The following DKK4 variants were observed in gnomAD, a reference collection of about 807,000 sequenced individuals.
DKK4 encodes the protein dickkopf Wnt signaling pathway inhibitor 4, also known as dickkopf-related protein 4.
DKK4 carries 15 observed loss-of-function variants against 14.5 expected under a neutral mutation model. That is an observed-to-expected ratio of 1.03 (90% confidence interval 0.69 to 1.59). The LOEUF is 1.59. Among genes scored for constraint, DKK4 ranks in the 40% most tolerant of loss-of-function variants. DKK4 has a pLI of 0.00. For synonymous variants in DKK4, 89 were observed against 105.2 expected (o/e 0.85, Z 0.94); for missense variants, 272 against 280.3 (o/e 0.97, Z 0.21).
upstream of DKK4, chr8:42,377,293 C>G: frequency 4.2e-6 from 2 of 479,578 alleles, no homozygotes; most frequent in Non-Finnish European, 7.5e-6. Context: ...TCCGTTCCTT[C>G]CTCCTGCCCC....
At chr8:42,379,383 A>AT, upstream of DKK4, among the ~76,000 whole-genome samples, 1 of 29,704 alleles carries the variant, frequency 3.4e-5, no homozygotes, top group Non-Finnish European at 6.2e-5. Context: ...ATATATAGAG[A>AT]GAGAGAGAGA....
upstream of DKK4, among the ~76,000 whole-genome samples, chr8:42,379,901 A>C (rs375023211): frequency 1.3e-5 from 2 of 152,196 alleles, no homozygotes; most frequent in African/African-American, 4.8e-5. Flanking sequence ...CATTGGAGAT[A>C]TATCAGACTG....
At chr8:42,383,325 G>A in the DKK4 span, among the ~76,000 whole-genome samples, 2 of 152,248 alleles carry the variant, frequency 1.3e-5, no homozygotes. Context: ...AGACGGTATA[G>A]CCTCTGGCAG....
chr8:42,384,889 CCTGGGCTATTTTCCAATTACGACT>C, the DKK4 span, among the ~76,000 whole-genome samples: 172 of 152,300 alleles, frequency 1.1e-3, no homozygotes, highest in African/African-American at 3.7e-3. Context: ...AGGAACACTG[CCTGGGCTATTTTCCAATTACGACT>C]CTGGTTGTAT....
the DKK4 span, among the ~76,000 whole-genome samples, chr8:42,383,320 G>C: frequency 2.5e-4 from 38 of 152,350 alleles, no homozygotes; most frequent in African/African-American, 8.4e-4. Flanking sequence ...TTTGCAGACG[G>C]TATAGCCTCT....
chr8:42,379,964 G>A (rs927617008), upstream of DKK4, among the ~76,000 whole-genome samples: 3 of 152,142 alleles, frequency 2.0e-5, no homozygotes, highest in Non-Finnish European at 4.4e-5. Flanking sequence ...CCAGCACTTC[G>A]TGAGGAGGAT....
chr8:42,375,338 C>G (rs550160744), intron 2 of DKK4, among the ~76,000 whole-genome samples: 1 of 151,960 alleles, frequency 6.6e-6, no homozygotes, highest in African/African-American at 2.4e-5. Context: ...GTCAGAAGTT[C>G]GAGACTAGCC....
chr8:42,389,833 TCAG>T, the DKK4 span, among the ~76,000 whole-genome samples: 20 of 152,196 alleles, frequency 1.3e-4, no homozygotes, highest in African/African-American at 4.6e-4. Context: ...TCTAAATACT[TCAG>T]CATGCATCTC....
the DKK4 span, among the ~76,000 whole-genome samples, chr8:42,387,824 G>C: frequency 6.6e-6 from 1 of 152,182 alleles, no homozygotes; most frequent in African/African-American, 2.4e-5. Flanking sequence ...GATTACCTGG[G>C]ACTGGTGTTG....
chr8:42,384,402 C>T, the DKK4 span, among the ~76,000 whole-genome samples: 1 of 152,212 alleles, frequency 6.6e-6, no homozygotes, highest in Non-Finnish European at 1.5e-5. Context: ...CTTGGCCTCC[C>T]AAAGTGCTAG....
the DKK4 span, among the ~76,000 whole-genome samples, chr8:42,387,421 G>A: frequency 2.4e-5 from 3 of 127,278 alleles, no homozygotes; most frequent in South Asian, 2.5e-4. Context: ...GCAATGGCAC[G>A]ATCTCTGCTC....
Position 42,374,361 on chromosome 8 carries a change from T to C in DKK4, c.416-2A>G. On this transcript the variant is annotated splice_acceptor_variant, in intron 3 of 3. Transcript: ENST00000220812. LOFTEE classifies it high-confidence loss of function. ...TCAGACAACTTTCTCCCTCTTGTCC[T>C]GTAACAAGGTTAATGTGGGCTTTAG... 6.2e-7 allele frequency: 1 copy of C among 1,613,046 alleles called. No homozygotes were observed. The highest frequency in any genetic ancestry group is 8.5e-7 in the Non-Finnish European group (1 of 1,179,804).
upstream of DKK4, among the ~76,000 whole-genome samples, chr8:42,377,604 G>A (rs1824589024): frequency 6.6e-6 from 1 of 152,080 alleles, no homozygotes; most frequent in African/African-American, 2.4e-5. Context: ...GAATCATACT[G>A]GCCAATATGC....
At chr8:42,390,358 C>CAT in the DKK4 span, among the ~76,000 whole-genome samples, 1 of 99,478 alleles carries the variant, frequency 1.0e-5, no homozygotes, top group African/African-American at 4.7e-5. Flanking sequence ...CTTTTGCTTC[C>CAT]TTTTTTTTTT....
chr8:42,384,723 T>C, the DKK4 span, among the ~76,000 whole-genome samples: 1 of 152,138 alleles, frequency 6.6e-6, no homozygotes, highest in African/African-American at 2.4e-5. Context: ...GGACCACTAA[T>C]CTGCCACAGG....
rs568380207 is a variant in DKK4 at position 42,374,651 on chromosome 8, T to C, written c.415+110A>G. The C allele has an allele frequency of 4.8e-6, 7 of 1,462,830 alleles. No individual in the cohort carries two copies. In the East Asian group the frequency reaches 1.4e-4, roughly 28 times the overall value. The allele number at this position is 1,462,830 out of a possible 1,614,324, so 90.6% of individuals were successfully genotyped here. On this transcript the variant is annotated intron_variant, in intron 3 of 3. Coordinates refer to ENST00000220812, the MANE Select transcript of DKK4 (RefSeq NM_014420.3). The stretch of plus-strand genomic sequence containing the variant: ...GAGATAACAAACAGCACATGCTTCC[T>C]AAGTGTTTCTGGGATGGAGAAGAAT...
chr8:42,379,096 TA>T (rs1317723446), upstream of DKK4, among the ~76,000 whole-genome samples: 2 of 150,088 alleles, frequency 1.3e-5, no homozygotes, highest in Non-Finnish European at 3.0e-5. Flanking sequence ...ACTAAAAATA[TA>T]AAAACTAGTC....
chr8:42,375,754 C>T lies in DKK4; in HGVS notation c.188G>A (p.Cys63Tyr), dbSNP rs1824547535. The change falls in exon 2 of 4, where the codon TGT becomes TAT. Residue 63 changes from cysteine to tyrosine, a missense_variant. Physicochemically the swap from Cys to Tyr is radical, Grantham distance 194. Transcript: ENST00000220812. ...CLQPRDEKPFCATCRGLRRRC... is the reference protein window; with the variant it reads ...CLQPRDEKPFYATCRGLRRRC... The stretch of plus-strand genomic sequence containing the variant: ...CCTCCGCAACCCACGACATGTAGCA[C>T]AGAACGGCTTCTCATCGCGGGGCTG... The T allele has an allele frequency of 1.9e-6, 3 of 1,614,122 alleles. No homozygotes were observed. The highest frequency in any genetic ancestry group is 1.3e-5 in the African/African-American group (1 of 75,032).
rs1316681470 is a variant in DKK4, at chr8:42,374,879, T to C, written c.297A>G (p.Ile99Met). Residue 99 changes from isoleucine (I) to methionine (M), a missense_variant, in exon 3 of 4, where the codon ATA becomes ATG. Ile to Met is a conservative substitution (Grantham distance 10). Transcript: ENST00000220812. ...VCTTMEDATP[I>M]LERQLDEQDG... is the part of the protein sequence containing the mutation. ...CTTGCTCATCAAGCTGCCTTTCTAATATTGGGGTTGCATCTTCCATCGTAG... is the reference window on the plus strand; with the variant it reads ...CTTGCTCATCAAGCTGCCTTTCTAACATTGGGGTTGCATCTTCCATCGTAG... 1.2e-6 allele frequency: 2 copies of C among 1,614,192 alleles called. No individual in the cohort carries two copies. Among genetic ancestry groups the C allele is most frequent in the Non-Finnish European group, 8.5e-7 (1 of 1,180,036 alleles).
Sources: gnomAD v4.1 joint callset for allele counts (sites outside exome capture counted in the v4.1 genomes callset) on GRCh38, gnomAD v4.1.1 for gene constraint, MANE v1.5 for transcripts, NCBI Gene and HGNC (gene_info 2026-07-23, HGNC 2026-07-21) for gene names.